The following ERC1 variants were observed in gnomAD, a reference collection of about 807,000 sequenced individuals.
ERC1 encodes the protein RAB6 interacting protein 2.
In ERC1, 56 loss-of-function variants were observed where a neutral mutation model predicts 132.0. That is an observed-to-expected ratio of 0.42 (90% CI 0.34 to 0.53). ERC1 has a LOEUF of 0.53. Among genes scored for constraint, ERC1 ranks in the 20% least tolerant of loss-of-function variants. ERC1 has a pLI of 0.03. For synonymous variants in ERC1, 478 were observed against 476.1 expected (o/e 1.00, Z -0.05); for missense variants, 1,202 against 1,349.9 (o/e 0.89, Z 1.72).
intron 2 of ERC1, among the ~76,000 whole-genome samples, chr12:1,060,808 C>T (rs996171667): frequency 6.6e-6 from 1 of 150,954 alleles, no homozygotes; most frequent in African/African-American, 2.4e-5. Flanking sequence ...TCACTGCAAG[C>T]TCTGCCTCCT....
chr12:1,197,052 C>T (rs2154281077), intron 12 of ERC1, among the ~76,000 whole-genome samples: 1 of 148,050 alleles, frequency 6.8e-6, no homozygotes, highest in East Asian at 2.0e-4. Context: ...ATGATCTCAG[C>T]TCACTGCAAC....
At chr12:1,110,084 T>G in intron 4 of ERC1, 108 bp from the exon 5 acceptor site, 2 of 932,778 alleles carry the variant, frequency 2.1e-6, no homozygotes, top group Middle Eastern at 2.5e-4. Context: ...GCATTTTTTC[T>G]GTATATTTGT....
chr12:1,030,226 G>A (rs1393152830), intron 2 of ERC1, among the ~76,000 whole-genome samples: 1 of 151,968 alleles, frequency 6.6e-6, no homozygotes, highest in Non-Finnish European at 1.5e-5. Flanking sequence ...CTCATTGTTG[G>A]TATTACACTT....
intron 3 of ERC1, among the ~76,000 whole-genome samples, chr12:1,084,212 C>T (rs1045660739): frequency 1.3e-5 from 2 of 152,044 alleles, no homozygotes; most frequent in East Asian, 3.9e-4. Flanking sequence ...TTTAAGAAGG[C>T]GTAAAGGAAG....
In ERC1 at chr12:1,170,522, A is replaced by G. The variant is rs568666333; in HGVS notation, c.1738-10018A>G. Among the ~76,000 whole-genome samples, 9 of 152,302 alleles carry G rather than the reference A, an allele frequency of 5.9e-5. No homozygotes were observed. In the East Asian group the frequency reaches 1.2e-3, roughly 20 times the overall value. On this transcript the variant is annotated intron_variant, in intron 8 of 18. Transcript: ENST00000360905. ...GCCTCAGTGAAATCTCATCATTGCT[A>G]CTGCCACAGAAGGATTGCCGTTGTG... is the stretch of plus-strand genomic sequence containing the variant.
At chr12:1,217,734 C>T (rs1316475809) in intron 12 of ERC1, among the ~76,000 whole-genome samples, 1 of 152,096 alleles carries the variant, frequency 6.6e-6, no homozygotes, top group East Asian at 1.9e-4. Flanking sequence ...TGTTTTGAAC[C>T]TCGTATGGCC....
intron 12 of ERC1, among the ~76,000 whole-genome samples, chr12:1,215,511 C>T (rs1482665438): frequency 4.6e-5 from 7 of 152,118 alleles, no homozygotes; most frequent in African/African-American, 7.2e-5. Flanking sequence ...CTAATATTTG[C>T]ATTTTTTACA....
chr12:1,274,545 T>A (rs749954768), intron 14 of ERC1, among the ~76,000 whole-genome samples: 1 of 152,024 alleles, frequency 6.6e-6, no homozygotes. Context: ...CAGGCTGGAG[T>A]GCAGTGGTGC....
intron 4 of ERC1, among the ~76,000 whole-genome samples, chr12:1,108,012 TAC>T (rs1452805516): frequency 6.6e-6 from 1 of 152,196 alleles, no homozygotes; most frequent in African/African-American, 2.4e-5. Flanking sequence ...ATTTAAATAT[TAC>T]ACATTCTAGG....
chr12:1,067,027 C>T (rs1191109873), intron 2 of ERC1, among the ~76,000 whole-genome samples: 1 of 152,018 alleles, frequency 6.6e-6, no homozygotes, highest in South Asian at 2.1e-4. Flanking sequence ...AGACTGGTCT[C>T]GAACTCTTGG....
chr12:1,255,392 G>A (rs546594996), intron 13 of ERC1, among the ~76,000 whole-genome samples: 25 of 152,176 alleles, frequency 1.6e-4, no homozygotes, highest in African/African-American at 5.8e-4. Flanking sequence ...TGTGAACCGT[G>A]CCACAATAAA....
At chr12:1,373,979 C>T (rs1230672592) in intron 16 of ERC1, among the ~76,000 whole-genome samples, 1 of 152,184 alleles carries the variant, frequency 6.6e-6, no homozygotes, top group East Asian at 1.9e-4. Flanking sequence ...TCTCCTGCCT[C>T]CCTTTTACAT....
At chr12:1,228,744 G>T (rs746347275) in intron 12 of ERC1, among the ~76,000 whole-genome samples, 1 of 152,078 alleles carries the variant, frequency 6.6e-6, no homozygotes, top group Non-Finnish European at 1.5e-5. Flanking sequence ...ATCATGAAAG[G>T]ATATTTAATT....
At chr12:1,063,160 C>T (rs577747062) in intron 2 of ERC1, among the ~76,000 whole-genome samples, 11 of 152,172 alleles carry the variant, frequency 7.2e-5, no homozygotes, top group South Asian at 2.1e-4. Context: ...CTCTGCCTCC[C>T]GGGTTCAAGC....
chr12:1,308,909 G>A (rs923484588), intron 15 of ERC1, among the ~76,000 whole-genome samples: 1 of 152,182 alleles, frequency 6.6e-6, no homozygotes, highest in African/African-American at 2.4e-5. Context: ...GAGCCTTTGG[G>A]AGTGATTAGG....
chr12:1,216,617 G>A (rs1185538958), intron 12 of ERC1, among the ~76,000 whole-genome samples: 3 of 141,832 alleles, frequency 2.1e-5, no homozygotes, highest in Non-Finnish European at 4.6e-5. Context: ...AGGAGGGATG[G>A]GGGGTGGGGG....
chr12:1,141,676 A>G lies in ERC1; in HGVS notation c.1626A>G (p.Thr542=), dbSNP rs776784307. Reference sequence around the variant, plus strand: ...AGGAAACCATGTTGAATAAAAAGACAAAACAAATTCAGGATATGGCTGAAG... The same window carrying G: ...AGGAAACCATGTTGAATAAAAAGACGAAACAAATTCAGGATATGGCTGAAG... ...EEKETMLNKK[T]KQIQDMAEEK... is the part of the protein sequence containing the mutation. The change falls in exon 8 of 19, where the codon ACA becomes ACG. Residue 542 remains threonine (T), a synonymous_variant. Coordinates refer to ENST00000360905, the MANE Select transcript of ERC1 (RefSeq NM_178040.4). The G allele has an allele frequency of 6.2e-7, 1 of 1,613,684 alleles. No individual in the cohort carries two copies. The highest frequency in any genetic ancestry group is 2.2e-5 in the East Asian group (1 of 44,874).
chr12:1,401,302 G>T lies in ERC1; in HGVS notation c.2926-6847G>T, dbSNP rs2091048265. On this transcript the variant is annotated intron_variant, in intron 16 of 18. Transcript: ENST00000360905. ...CTCAAAAATTGAAGAAGCAGTAATA[G>T]AAGTAGCACTAATAGTAGCAGTAGT... Among the ~76,000 whole-genome samples the T allele has an allele frequency of 1.3e-5, 2 of 152,084 alleles. 1 individual carries two copies. Among genetic ancestry groups the T allele is most frequent in the South Asian group, 4.1e-4 (2 of 4,820 alleles).
intron 12 of ERC1, among the ~76,000 whole-genome samples, chr12:1,216,426 T>A (rs1385190397): frequency 1.3e-5 from 2 of 152,102 alleles, no homozygotes; most frequent in African/African-American, 4.8e-5. Flanking sequence ...GTATTATGCA[T>A]GTTAGAGTGA....
Sources: allele counts gnomAD v4.1 joint callset (sites outside exome capture counted in the v4.1 genomes callset), GRCh38; gene constraint gnomAD v4.1.1; transcripts MANE v1.5; gene names NCBI Gene and HGNC (gene_info 2026-07-23, HGNC 2026-07-21).